ATG13: variants seen among roughly 807,000 people sequenced by gnomAD.
The protein encoded by ATG13 is autophagy related 13.
Under a neutral mutation model 65.5 loss-of-function variants are expected in ATG13, and 23 were observed. The observed-to-expected ratio is 0.35, with a 90% CI of 0.25 to 0.50. The LOEUF is 0.50. Ranked by LOEUF, ATG13 falls within the 20% of genes least tolerant of loss-of-function variation. ATG13 has a pLI of 0.98. For missense variants in ATG13, 566 were observed against 677.0 expected, an observed-to-expected ratio of 0.84 and a Z score of 1.82; for synonymous variants, 252 against 245.2, an observed-to-expected ratio of 1.03 and a Z score of -0.26.
At chr11:46,656,181 GC>G in intron 7 of ATG13, 51 bp from the exon 8 acceptor site, 1 of 1,537,998 alleles carries the variant, frequency 6.5e-7, no homozygotes, top group South Asian at 1.1e-5. Context: ...GGCTATAGAG[GC>G]CCTTAGGAGT....
At chr11:46,624,869 C>CA (rs1689458318) in intron 1 of ATG13, among the ~76,000 whole-genome samples, 1 of 151,732 alleles carries the variant, frequency 6.6e-6, no homozygotes, top group African/African-American at 2.4e-5. Flanking sequence ...GCTGTCTTTA[C>CA]AAAAAAATAA....
chr11:46,644,403 C>A (rs1371354389), intron 3 of ATG13, 43 bp downstream of exon 3: 2 of 1,496,000 alleles, frequency 1.3e-6, no homozygotes, highest in Non-Finnish European at 1.8e-6. Flanking sequence ...TTAGAAATAA[C>A]TTCCGTGCTT....
chr11:46,642,367 G>A (rs1328213630), intron 2 of ATG13, among the ~76,000 whole-genome samples: 9 of 142,400 alleles, frequency 6.3e-5, no homozygotes, highest in Non-Finnish European at 1.4e-4. Context: ...GTGCAGTGGC[G>A]CAATCTCAGC....
chr11:46,666,848 G>A (rs1215838219), intron 14 of ATG13, among the ~76,000 whole-genome samples: 1 of 152,042 alleles, frequency 6.6e-6, no homozygotes, highest in Non-Finnish European at 1.5e-5. Flanking sequence ...ACTTTCTCCT[G>A]ATAGAAATTC....
rs976002422 is a variant in ATG13 at position 46,673,068 on chromosome 11, A to G, written c.*736A>G. ...GGATTTTGTCACTTGGAGTCACAGC[A>G]AAGTTCTCTTCCTCTTGTCCCCCCG... On this transcript the variant is annotated 3_prime_UTR_variant, in exon 19 of 19. Coordinates refer to ENST00000683050, the MANE Select transcript of ATG13 (RefSeq NM_001346311.2). 1 of 190,196 alleles carries G rather than the reference A, an allele frequency of 5.3e-6. No homozygotes were observed. The highest frequency in any genetic ancestry group is 2.3e-5 in the African/African-American group (1 of 42,582). The allele number at this position is 190,196 out of a possible 1,614,324, so 11.8% of individuals were successfully genotyped here.
At chr11:46,640,939 G>A (rs78950261) in intron 2 of ATG13, among the ~76,000 whole-genome samples, 3 of 152,178 alleles carry the variant, frequency 2.0e-5, no homozygotes, top group Admixed American at 6.5e-5. Context: ...CATACGTACC[G>A]TGTACTCAGT....
intron 2 of ATG13, among the ~76,000 whole-genome samples, chr11:46,636,522 C>T (rs550088722): frequency 1.4e-5 from 2 of 140,976 alleles, no homozygotes; most frequent in African/African-American, 5.4e-5. Flanking sequence ...CATGCCACTG[C>T]ACTCCAGCCT....
At chr11:46,656,330 A>T (rs990105608) in intron 8 of ATG13, 57 bp downstream of exon 8, 2 of 1,495,316 alleles carry the variant, frequency 1.3e-6, no homozygotes, top group Admixed American at 3.6e-5. Flanking sequence ...AACTTCAGAG[A>T]TGATCTTCGT....
In ATG13 at chr11:46,622,106, TATATATATATATATA is replaced by T. The variant is rs1565398178; in HGVS notation, c.-70+4217_-70+4231del. Among the ~76,000 whole-genome samples the T allele has an allele frequency of 5.7e-5, 7 of 123,670 alleles. 1 individual carries two copies. The highest frequency in any genetic ancestry group is 2.1e-4 in the African/African-American group (7 of 33,868). 81.1% of individuals were successfully genotyped at this position (123,670 alleles called of 152,430 possible). ...ATATATATATATATATATATATATA[TATATATATATATATA>T]TATATATTTATTTTAGAGATGGTAT... On this transcript the variant is annotated intron_variant, in intron 1 of 18. Coordinates refer to ENST00000683050, the MANE Select transcript of ATG13 (RefSeq NM_001346311.2).
intron 10 of ATG13, 160 bp from the exon 11 acceptor site, chr11:46,659,232 G>T (rs2060649386): frequency 3.5e-6 from 2 of 577,306 alleles, no homozygotes; most frequent in Non-Finnish European, 6.2e-6. Flanking sequence ...TCTCTGGAAT[G>T]TTTGAAATTA....
At chr11:46,671,674 G>A (rs568769735) in intron 18 of ATG13, among the ~76,000 whole-genome samples, 8 of 152,270 alleles carry the variant, frequency 5.3e-5, no homozygotes, top group Admixed American at 2.0e-4. Context: ...CTCGGGAGGC[G>A]GAGGTTGCAG....
chr11:46,644,005 G>C (rs1028921092), intron 2 of ATG13, among the ~76,000 whole-genome samples: 17 of 152,254 alleles, frequency 1.1e-4, no homozygotes, highest in Middle Eastern at 3.4e-3. Context: ...AAATAATTTT[G>C]AATGGATAAT....
chr11:46,636,507 G>A (rs562088952), intron 2 of ATG13, among the ~76,000 whole-genome samples: 9 of 137,466 alleles, frequency 6.5e-5, no homozygotes, highest in African/African-American at 1.4e-4. Context: ...GCAGTGAGCC[G>A]AGATCATGCC....
chr11:46,619,683 T>C (rs1484279073), intron 1 of ATG13, among the ~76,000 whole-genome samples: 1 of 151,356 alleles, frequency 6.6e-6, no homozygotes. Flanking sequence ...CCACCACTCC[T>C]GGCCGATTTC....
intron 1 of ATG13, among the ~76,000 whole-genome samples, chr11:46,623,400 A>G (rs1218324092): frequency 6.6e-6 from 1 of 152,112 alleles, no homozygotes; most frequent in African/African-American, 2.4e-5. Flanking sequence ...TATGGACCAT[A>G]TGATGGCAAC....
At chr11:46,655,888 C>G (rs985407473) in intron 7 of ATG13, among the ~76,000 whole-genome samples, 2 of 152,136 alleles carry the variant, frequency 1.3e-5, no homozygotes, top group Non-Finnish European at 2.9e-5. Context: ...CAGGCATGCA[C>G]CATCACACCC....
intron 10 of ATG13, 139 bp from the exon 11 acceptor site, chr11:46,659,253 C>T: frequency 1.6e-6 from 1 of 625,584 alleles, no homozygotes. Context: ...TTGAGGACTC[C>T]ACATGCCTTT....
intron 14 of ATG13, among the ~76,000 whole-genome samples, chr11:46,666,153 G>C (rs2062315128): frequency 6.6e-6 from 1 of 151,872 alleles, no homozygotes; most frequent in Non-Finnish European, 1.5e-5. Flanking sequence ...TAGACTCCTT[G>C]AAGTTCCCTG....
At chr11:46,668,313 G>T (rs1038705072) in intron 15 of ATG13, among the ~76,000 whole-genome samples, 186 bp from the exon 16 acceptor site, 2 of 152,218 alleles carry the variant, frequency 1.3e-5, no homozygotes, top group African/African-American at 4.8e-5. Context: ...TGCTGTGGGT[G>T]TATGTGATGG....
Sources: allele counts gnomAD v4.1 joint callset (sites outside exome capture counted in the v4.1 genomes callset), GRCh38; gene constraint gnomAD v4.1.1; transcripts MANE v1.5; gene names NCBI Gene and HGNC (gene_info 2026-07-23, HGNC 2026-07-21).